Variants in XPO4 observed in about 807,000 individuals in gnomAD.
XPO4 encodes exportin-4.
Under a neutral mutation model 143.0 loss-of-function variants are expected in XPO4, and 39 were observed. That is an observed-to-expected ratio of 0.27 (90% CI 0.21 to 0.36). The LOEUF (loss-of-function observed/expected upper bound fraction) is 0.36. XPO4 is among the 10% of genes least tolerant of loss of function. The probability of loss-of-function intolerance (pLI) is 1.00; values close to 1 mark genes in which losing one functional copy is unlikely to be tolerated. For synonymous variants in XPO4, 439 were observed against 474.0 expected (o/e 0.93, Z 0.96); for missense variants, 907 against 1,348.0 (o/e 0.67, Z 5.12).
At chr13:20,813,387 C>A (rs1305445687) in intron 9 of XPO4, among the ~76,000 whole-genome samples, 1 of 152,066 alleles carries the variant, frequency 6.6e-6, no homozygotes, top group East Asian at 1.9e-4. Context: ...GGGCAAGGGA[C>A]ACAAACAAGC....
intron 4 of XPO4, chr13:20,851,219 G>T: frequency 2.0e-6 from 2 of 985,372 alleles, no homozygotes; most frequent in East Asian, 2.3e-4. Flanking sequence ...TTCCTATTGA[G>T]CTAGTTTCAA....
At chr13:20,849,844 A>C in intron 4 of XPO4, 1 of 980,886 alleles carries the variant, frequency 1.0e-6, no homozygotes, top group Non-Finnish European at 1.2e-6. Flanking sequence ...GGTGGCTCAC[A>C]CCTGTAATCC....
intron 19 of XPO4, among the ~76,000 whole-genome samples, chr13:20,789,039 A>G (rs1037297276): frequency 1.3e-5 from 2 of 152,262 alleles, no homozygotes; most frequent in Non-Finnish European, 2.9e-5. Context: ...TGCACAGAGC[A>G]GAGTATTCGG....
At chr13:20,785,657 G>C (rs1284616583) in intron 22 of XPO4, among the ~76,000 whole-genome samples, 1 of 150,076 alleles carries the variant, frequency 6.7e-6, no homozygotes, top group African/African-American at 2.5e-5. Context: ...AATAAAGTGA[G>C]ACCCTGTCTC....
At chr13:20,849,448 A>G (rs2060062042) in intron 4 of XPO4, 1 of 983,922 alleles carries the variant, frequency 1.0e-6, no homozygotes, top group African/African-American at 1.7e-5. Flanking sequence ...AATATGAATT[A>G]TATGTTTAAA....
chr13:20,812,243 A>G (rs2059591896), intron 9 of XPO4, among the ~76,000 whole-genome samples: 1 of 152,044 alleles, frequency 6.6e-6, no homozygotes, highest in Non-Finnish European at 1.5e-5. Context: ...TGGTGGCAGG[A>G]GCCTGTAATC....
In XPO4 at chr13:20,822,179, A is replaced by T; in HGVS notation, c.951T>A (p.Val317=). The change falls in exon 8 of 23, where the codon GTT becomes GTA. Residue 317 remains valine (V), a synonymous_variant. Transcript: ENST00000255305. Reference sequence around the variant, plus strand: ...CCTCAATGAAGTGTGCTAGATAATCAACTTGTGATCCTTCATCTGGGAAGA... The same window carrying T: ...CCTCAATGAAGTGTGCTAGATAATCTACTTGTGATCCTTCATCTGGGAAGA... ...GPIFPDEGSQ[V]DYLAHFIEGL... 1 of 1,614,018 alleles carries T rather than the reference A, an allele frequency of 6.2e-7. No individual in the cohort carries two copies. The highest frequency in any genetic ancestry group is 8.5e-7 in the Non-Finnish European group (1 of 1,179,890).
At position 20,809,181 on chromosome 13, in the gene XPO4, T is replaced by C. The variant is rs755582641; in HGVS notation, c.1395A>G (p.Glu465=). 6.2e-7 allele frequency: 1 copy of C among 1,614,140 alleles called. No homozygotes were observed. The highest frequency in any genetic ancestry group is 1.1e-5 in the South Asian group (1 of 91,080). The change falls in exon 11 of 23, where the codon GAA becomes GAG. Residue 465 remains glutamate (E), a synonymous_variant. Coordinates refer to ENST00000255305, the MANE Select transcript of XPO4 (RefSeq NM_022459.5). ...VASREEEEIS[E]LQEDDRDQFS... Reference sequence around the variant, plus strand: ...ACTGGTCTCGATCATCCTCTTGAAGTTCACTTATTTCTTCCTCCTCACGAG... The same window carrying C: ...ACTGGTCTCGATCATCCTCTTGAAGCTCACTTATTTCTTCCTCCTCACGAG...
At chr13:20,788,444 TCC>T in intron 20 of XPO4, 40 bp downstream of exon 20, 1 of 1,572,546 alleles carries the variant, frequency 6.4e-7, no homozygotes. Flanking sequence ...AAGATCTTTT[TCC>T]CCAAGTAACA....
rs780043956 is a variant in XPO4, at chr13:20,822,265, A to T, written c.865T>A (p.Ser289Thr). The T allele has an allele frequency of 6.2e-7, 1 of 1,612,080 alleles. No homozygotes were observed. Among genetic ancestry groups the T allele is most frequent in the Non-Finnish European group, 8.5e-7 (1 of 1,179,400 alleles). Reference protein sequence around the residue: ...FTVHRKIREDSDMAQDSLQCL... With the variant: ...FTVHRKIREDTDMAQDSLQCL... ...TGCAGAGAATCTTGTGCCATATCTG[A>T]ATCTTCTCTGATTTTTCGATGTACC... Residue 289 changes from serine to threonine, a missense_variant, in exon 8 of 23, where the codon TCA becomes ACA. Coordinates refer to ENST00000255305, the MANE Select transcript of XPO4 (RefSeq NM_022459.5).
At chr13:20,831,721 A>T (rs1246763266) in intron 6 of XPO4, among the ~76,000 whole-genome samples, 1 of 152,114 alleles carries the variant, frequency 6.6e-6, no homozygotes, top group Non-Finnish European at 1.5e-5. Flanking sequence ...TCTTAAAAAA[A>T]ATCTATCATA....
At chr13:20,865,061 T>A (rs953814435) in intron 2 of XPO4, among the ~76,000 whole-genome samples, 1 of 152,108 alleles carries the variant, frequency 6.6e-6, no homozygotes, top group Non-Finnish European at 1.5e-5. Context: ...CAAATACATA[T>A]GAGCTTTACT....
At chr13:20,817,489 T>C (rs1009952817) in intron 9 of XPO4, among the ~76,000 whole-genome samples, 3 of 152,228 alleles carry the variant, frequency 2.0e-5, no homozygotes, top group Non-Finnish European at 4.4e-5. Context: ...TAAAACTAGA[T>C]GTAAGGTTCT....
chr13:20,859,601 A>G (rs895436897), intron 3 of XPO4, among the ~76,000 whole-genome samples: 2 of 151,736 alleles, frequency 1.3e-5, no homozygotes, highest in African/African-American at 2.4e-5. Flanking sequence ...CTCCGTCTCA[A>G]AAAACAAACC....
chr13:20,898,995 C>T (rs1003757459), intron 1 of XPO4, among the ~76,000 whole-genome samples: 3 of 152,054 alleles, frequency 2.0e-5, no homozygotes, highest in African/African-American at 4.8e-5. Flanking sequence ...CAGTGAGATC[C>T]TCTCTACAAA....
intron 4 of XPO4, among the ~76,000 whole-genome samples, chr13:20,853,336 C>A (rs76102614): frequency 1.4e-3 from 141 of 101,900 alleles, no homozygotes; most frequent in East Asian, 2.2e-3. Flanking sequence ...GACCCTGTCT[C>A]AAAAAAAAAA....
At chr13:20,824,203 G>A (rs1034061963) in intron 7 of XPO4, among the ~76,000 whole-genome samples, 3 of 152,102 alleles carry the variant, frequency 2.0e-5, no homozygotes, top group African/African-American at 7.2e-5. Flanking sequence ...AAGTACAATA[G>A]ACAAATTCAT....
chr13:20,860,326 ATTTTC>A (rs2060185561), intron 3 of XPO4, among the ~76,000 whole-genome samples: 1 of 152,172 alleles, frequency 6.6e-6, no homozygotes. Flanking sequence ...CCTAAGGCTT[ATTTTC>A]TTTTATTACA....
rs78391047 is a variant in XPO4, at chr13:20,809,400, C to T, written c.1351-175G>A. Among the ~76,000 whole-genome samples the T allele has an allele frequency of 3.6e-3, 552 of 152,042 alleles. 9 individuals carry two copies. Among genetic ancestry groups the T allele is most frequent in the African/African-American group, 0.013 (526 of 41,418 alleles). On this transcript the variant is annotated intron_variant, in intron 10 of 22. Coordinates refer to ENST00000255305, the MANE Select transcript of XPO4 (RefSeq NM_022459.5). Reference sequence around the variant, plus strand: ...ACTCCCTTCTAACAATGCTGACAGCCGTGGTAGTTATCAAAAGGGGGAAAA... The same window carrying T: ...ACTCCCTTCTAACAATGCTGACAGCTGTGGTAGTTATCAAAAGGGGGAAAA...
Sources: allele counts gnomAD v4.1 joint callset (sites outside exome capture counted in the v4.1 genomes callset), GRCh38; gene constraint gnomAD v4.1.1; transcripts MANE v1.5; gene names NCBI Gene and HGNC (gene_info 2026-07-23, HGNC 2026-07-21).